The following MCHR2 variants were observed in gnomAD, a reference collection of about 807,000 sequenced individuals.
The protein encoded by MCHR2 is melanin concentrating hormone receptor 2.
Under a neutral mutation model 24.8 loss-of-function variants are expected in MCHR2, and 15 were observed. The observed-to-expected ratio is 0.60, with a 90% CI of 0.40 to 0.93. The LOEUF (loss-of-function observed/expected upper bound fraction) is 0.93, where lower values mean the gene tolerates loss of function less well. Among genes scored for constraint, MCHR2 ranks in the 40% least tolerant of loss-of-function variants. The pLI is 0.00. For missense variants in MCHR2, 386 were observed against 408.7 expected (o/e 0.94, Z 0.48); for synonymous variants, 151 against 147.6 (o/e 1.02, Z -0.17).
At chr6:99,947,623 A>T in intron 3 of MCHR2, 139 bp downstream of exon 3, 1 of 689,882 alleles carries the variant, frequency 1.4e-6, no homozygotes, top group Non-Finnish European at 2.3e-6. Context: ...AAATATTCTT[A>T]AGTAATCAGT....
intron 1 of MCHR2, among the ~76,000 whole-genome samples, chr6:99,993,500 T>G (rs965808031): frequency 6.6e-5 from 10 of 152,150 alleles, no homozygotes; most frequent in Admixed American, 1.3e-4. Context: ...CAAAAAAGCC[T>G]TCCCGAACTC....
chr6:99,976,958 C>A (rs1282097803), intron 1 of MCHR2, among the ~76,000 whole-genome samples: 1 of 152,216 alleles, frequency 6.6e-6, no homozygotes, highest in Non-Finnish European at 1.5e-5. Flanking sequence ...CAAAAGCAAC[C>A]TTAGGCGAAC....
chr6:99,927,986 C>A lies in MCHR2; in HGVS notation c.707+6412G>T, dbSNP rs561846861. Among the ~76,000 whole-genome samples, 15 of 152,220 alleles carry A rather than the reference C, an allele frequency of 9.9e-5. No individual in the cohort carries two copies. In the East Asian group the frequency reaches 2.1e-3, roughly 22 times the overall value. ...TTGGCTGTGGGTTTGTCATAGATAG[C>A]TCTTATGATTTTGAGATACATCCTA... On this transcript the variant is annotated intron_variant, in intron 5 of 5. Transcript: ENST00000281806.
chr6:99,963,820 A>G (rs1354532040), intron 1 of MCHR2, among the ~76,000 whole-genome samples: 1 of 152,108 alleles, frequency 6.6e-6, no homozygotes, highest in Non-Finnish European at 1.5e-5. Context: ...TGGGAATTAA[A>G]AATAATGACA....
intron 1 of MCHR2, among the ~76,000 whole-genome samples, chr6:99,980,952 A>G (rs1026000822): frequency 1.3e-5 from 2 of 152,240 alleles, no homozygotes; most frequent in Admixed American, 6.5e-5. Flanking sequence ...ATAAAAAGTT[A>G]TTACATATTT....
At chr6:99,934,260 T>A in intron 5 of MCHR2, 138 bp downstream of exon 5, 1 of 823,428 alleles carries the variant, frequency 1.2e-6, no homozygotes. Flanking sequence ...TTTCCAAAAA[T>A]TTTTTCTATA....
At chr6:99,967,842 T>G (rs1234522809) in intron 1 of MCHR2, among the ~76,000 whole-genome samples, 4 of 152,192 alleles carry the variant, frequency 2.6e-5, no homozygotes, top group Non-Finnish European at 4.4e-5. Flanking sequence ...CCTTACATTC[T>G]ATTCAACCTC....
intron 5 of MCHR2, among the ~76,000 whole-genome samples, chr6:99,927,305 A>T (rs1211377380): frequency 6.6e-6 from 1 of 152,148 alleles, no homozygotes; most frequent in African/African-American, 2.4e-5. Flanking sequence ...CTTAGGATTC[A>T]CTTGGCGATG....
intron 5 of MCHR2, among the ~76,000 whole-genome samples, chr6:99,927,164 C>T (rs1250141938): frequency 6.6e-6 from 1 of 152,102 alleles, no homozygotes; most frequent in Non-Finnish European, 1.5e-5. Flanking sequence ...AGTGTTATTT[C>T]TGAGGGCTCT....
At chr6:99,970,207 C>T (rs1321001884) in intron 1 of MCHR2, among the ~76,000 whole-genome samples, 3 of 151,554 alleles carry the variant, frequency 2.0e-5, no homozygotes, top group African/African-American at 7.3e-5. Context: ...TTCTCCACAT[C>T]CTCTCCAGCA....
chr6:99,962,363 A>T (rs528392297), intron 1 of MCHR2, among the ~76,000 whole-genome samples: 9 of 152,260 alleles, frequency 5.9e-5, no homozygotes, highest in African/African-American at 1.7e-4. Context: ...TTATTTTGGA[A>T]ATTTCTATTT....
At chr6:99,924,659 A>C (rs1774312282) in intron 5 of MCHR2, among the ~76,000 whole-genome samples, 3 of 151,966 alleles carry the variant, frequency 2.0e-5, no homozygotes. Context: ...TCTTTGACCC[A>C]CTGGTCATTC....
At chr6:99,948,635 T>C (rs1212500331) in intron 2 of MCHR2, among the ~76,000 whole-genome samples, 4 of 152,162 alleles carry the variant, frequency 2.6e-5, no homozygotes, top group Admixed American at 2.6e-4. Flanking sequence ...ACAGTAAATG[T>C]TTATTGTTTC....
intron 1 of MCHR2, among the ~76,000 whole-genome samples, chr6:99,962,466 T>C (rs551131050): frequency 6.6e-6 from 1 of 152,272 alleles, no homozygotes; most frequent in Admixed American, 6.5e-5. Flanking sequence ...CAACTGATCT[T>C]CAACAAGGGT....
intron 5 of MCHR2, among the ~76,000 whole-genome samples, chr6:99,931,276 G>A (rs541639379): frequency 2.0e-4 from 30 of 152,300 alleles, no homozygotes; most frequent in East Asian, 1.2e-3. Context: ...TAGGCTGCTC[G>A]GGGGTCAGGG....
intron 4 of MCHR2, among the ~76,000 whole-genome samples, chr6:99,935,580 A>G (rs183885233): frequency 6.6e-6 from 1 of 152,082 alleles, no homozygotes; most frequent in East Asian, 1.9e-4. Context: ...TATTGTGTGT[A>G]TATATATTAT....
intron 2 of MCHR2, among the ~76,000 whole-genome samples, chr6:99,951,061 C>T (rs935638539): frequency 6.6e-6 from 1 of 152,076 alleles, no homozygotes; most frequent in Non-Finnish European, 1.5e-5. Context: ...CTCCAGCTCC[C>T]ACCAGGCAGC....
chr6:99,946,199 C>A (rs986066096), intron 3 of MCHR2, among the ~76,000 whole-genome samples: 1 of 152,082 alleles, frequency 6.6e-6, no homozygotes, highest in African/African-American at 2.4e-5. Flanking sequence ...CCCTGACAAG[C>A]ATATGGGGCT....
chr6:99,940,226 T>C (rs1247949051), intron 4 of MCHR2, among the ~76,000 whole-genome samples: 1 of 152,026 alleles, frequency 6.6e-6, no homozygotes, highest in Non-Finnish European at 1.5e-5. Flanking sequence ...AAGTCTTAGA[T>C]TTGGTCTTTT....
Sources: allele counts gnomAD v4.1 joint callset (sites outside exome capture counted in the v4.1 genomes callset), GRCh38; gene constraint gnomAD v4.1.1; transcripts MANE v1.5; gene names NCBI Gene and HGNC (gene_info 2026-07-23, HGNC 2026-07-21).